Variants in THOC2 observed in about 807,000 individuals in gnomAD.
The protein encoded by THOC2 is THO complex 2.
Under a neutral mutation model 128.4 loss-of-function variants are expected in THOC2, and 10 were observed. The observed-to-expected ratio is 0.08, with a 90% CI of 0.05 to 0.13. The LOEUF (loss-of-function observed/expected upper bound fraction) is 0.13, where lower values mean the gene tolerates loss of function less well. Ranked by LOEUF, THOC2 falls within the 10% of genes least tolerant of loss-of-function variation. The probability of loss-of-function intolerance (pLI) is 1.00; values close to 1 mark genes in which losing one functional copy is unlikely to be tolerated. For synonymous variants in THOC2, 393 were observed against 396.9 expected, an observed-to-expected ratio of 0.99 and a Z score of 0.12; for missense variants, 535 against 1,155.7, an observed-to-expected ratio of 0.46 and a Z score of 7.79.
intron 3 of THOC2, 140 bp from the exon 4 acceptor site, chrX:123,703,645 T>C (rs2050790553): frequency 2.9e-6 from 1 of 344,487 alleles, no homozygotes; most frequent in African/African-American, 3.0e-5. Flanking sequence ...CCCAGCACTT[T>C]GGGAGGCCGA....
chrX:123,633,086 C>A, intron 20 of THOC2, 46 bp from the exon 21 acceptor site: 7 of 965,009 alleles, frequency 7.3e-6, no homozygotes, highest in Non-Finnish European at 9.7e-6. Context: ...GTACATAACC[C>A]ATGCTAATTT....
chrX:123,725,616 C>CAAAA (rs56708326), intron 1 of THOC2, among the ~76,000 whole-genome samples: 135 of 32,639 alleles, frequency 4.1e-3, no homozygotes, highest in African/African-American at 7.1e-3. Flanking sequence ...GACCCTATCT[C>CAAAA]AAAAAAAAAA....
At chrX:123,683,564 T>C (rs915215977) in intron 8 of THOC2, among the ~76,000 whole-genome samples, 5 of 110,294 alleles carry the variant, frequency 4.5e-5, no homozygotes, top group African/African-American at 1.6e-4. Flanking sequence ...CTACCCTCAG[T>C]GGCCCTTAAA....
chrX:123,606,715 T>C, intron 38 of THOC2, among the ~76,000 whole-genome samples: 1 of 112,434 alleles, frequency 8.9e-6, no homozygotes, highest in Non-Finnish European at 1.9e-5. Context: ...AGGTTACACA[T>C]GTGAGACTGG....
intron 8 of THOC2, among the ~76,000 whole-genome samples, chrX:123,682,703 T>A (rs2049836087): frequency 8.9e-6 from 1 of 111,956 alleles, no homozygotes; most frequent in African/African-American, 3.2e-5. Context: ...TTACTCAGAA[T>A]CTAAACATCA....
chrX:123,605,598 G>A (rs1185874075), intron 38 of THOC2, among the ~76,000 whole-genome samples: 1 of 110,158 alleles, frequency 9.1e-6, no homozygotes, highest in Non-Finnish European at 1.9e-5. Flanking sequence ...CCTATAAAAT[G>A]GTGTGTTTGG....
At chrX:123,705,106 G>A (rs192016588) in intron 3 of THOC2, among the ~76,000 whole-genome samples, 4 of 111,427 alleles carry the variant, frequency 3.6e-5, no homozygotes, top group Admixed American at 1.9e-4. Context: ...GCAAGGAGAC[G>A]CACAAGTTAC....
chrX:123,640,136 A>C (rs1246413344), intron 16 of THOC2, among the ~76,000 whole-genome samples: 1 of 111,595 alleles, frequency 9.0e-6, no homozygotes, highest in African/African-American at 3.3e-5. Flanking sequence ...GCGGTGAGCC[A>C]AGATCGGGTC....
chrX:123,667,056 G>C, intron 11 of THOC2, 50 bp downstream of exon 11: 1 of 914,552 alleles, frequency 1.1e-6, no homozygotes, highest in Non-Finnish European at 1.5e-6. Flanking sequence ...TTTTGTTGTA[G>C]TCCTAAGCTA....
chrX:123,621,240 T>C lies in THOC2; in HGVS notation c.4133A>G (p.Asn1378Ser), dbSNP rs768831443. ...TGGTGTTTTTTCTCCTCCTTTAACA[T>C]TTTCCTTTGATTTCATTTCCTTTGC... ...DIAKEMKSKE[N>S]VKGGEKTPVS... is the part of the protein sequence containing the mutation. The change falls in exon 31 of 39, where the codon AAT (asparagine) becomes AGT (serine). Residue 1378 changes from asparagine (N) to serine (S), a missense_variant. Physicochemically the swap from Asn to Ser is conservative, Grantham distance 46. Around this residue, in one of 9 missense-constraint regions of THOC2, gnomAD observed 116 missense variants for 180.0 expected, o/e 0.64. Coordinates refer to ENST00000245838, the MANE Select transcript of THOC2 (RefSeq NM_001081550.2). The C allele has an allele frequency of 1.4e-5, 17 of 1,209,242 alleles. No homozygotes were observed. Among genetic ancestry groups the C allele is most frequent in the Non-Finnish European group, 3.4e-6 (3 of 894,974 alleles).
chrX:123,617,176 T>G (rs1247682596), intron 33 of THOC2, among the ~76,000 whole-genome samples: 1 of 110,903 alleles, frequency 9.0e-6, no homozygotes, highest in Non-Finnish European at 1.9e-5. Context: ...TGCAAACCAG[T>G]ACTTTGCATG....
rs762611153 is a variant in THOC2 at position 123,645,040 on chromosome X, C to A, written c.1429-131G>T. On this transcript the variant is annotated intron_variant, in intron 13 of 38. Transcript: ENST00000245838. ...CACACAATATCCCATTCCTCACCCA[C>A]CCTTTTCACAAAGCTTATTTATGTT... 5.5e-5 allele frequency: 30 copies of A among 547,949 alleles called. No homozygotes were observed. The Admixed American group carries it at 6.8e-4, about 12-fold the overall frequency. 45.2% of individuals were successfully genotyped at this position (547,949 alleles called of 1,213,427 possible).
rs140946388 is a variant in THOC2, at chrX:123,632,587, C to T, written c.2316+274G>A. ...TGTTATGACTGAGATTTCCAGAGAT[C>T]GGGAAAGATATAAATGCAAACAACT... On this transcript the variant is annotated intron_variant, in intron 21 of 38. Coordinates refer to ENST00000245838, the MANE Select transcript of THOC2 (RefSeq NM_001081550.2). 4.2e-3 allele frequency among the ~76,000 whole-genome samples: 449 copies of T among 108,140 alleles called. 2 individuals carry two copies. Among genetic ancestry groups the T allele is most frequent in the East Asian group, 0.04 (138 of 3,473 alleles). 93.9% of individuals were successfully genotyped at this position (108,140 alleles called of 115,157 possible).
intron 22 of THOC2, among the ~76,000 whole-genome samples, chrX:123,631,082 C>G (rs751589006): frequency 8.9e-6 from 1 of 112,116 alleles, no homozygotes; most frequent in Non-Finnish European, 1.9e-5. Context: ...CCACAGACAA[C>G]CAGGTGTTCC....
intron 1 of THOC2, 132 bp downstream of exon 1, chrX:123,732,820 G>T: frequency 1.5e-6 from 1 of 677,552 alleles, no homozygotes; most frequent in South Asian, 2.3e-5. Context: ...ACTCCTAGAC[G>T]ACCATCCACG....
Position 123,668,156 on chromosome X carries a change from T to C in THOC2, c.1017+3A>G. 2 of 1,159,590 alleles carry C rather than the reference T, an allele frequency of 1.7e-6. No individual in the cohort carries two copies. Among genetic ancestry groups the C allele is most frequent in the Non-Finnish European group, 2.3e-6 (2 of 863,502 alleles). ...GTTAATTTTACTAGAATGAATTACA[T>C]ACTTTCTCTACTTTCTCCTCTTCTT... On this transcript the variant is annotated splice_donor_region_variant and intron_variant, in intron 10 of 38. Transcript: ENST00000245838.
intron 8 of THOC2, among the ~76,000 whole-genome samples, chrX:123,676,888 T>C (rs2049519316): frequency 8.9e-6 from 1 of 111,917 alleles, no homozygotes; most frequent in Admixed American, 9.5e-5. Context: ...CCTTCCATAA[T>C]GCCAATTTCA....
chrX:123,671,588 G>T, intron 9 of THOC2, 81 bp downstream of exon 9: 2 of 528,770 alleles, frequency 3.8e-6, no homozygotes, highest in Non-Finnish European at 6.0e-6. Flanking sequence ...CCCAATCCTG[G>T]GGGTGCTATG....
intron 12 of THOC2, among the ~76,000 whole-genome samples, chrX:123,651,205 G>A (rs1260738488): frequency 1.8e-5 from 2 of 111,732 alleles, no homozygotes; most frequent in Non-Finnish European, 3.8e-5. Context: ...TGACTACTGG[G>A]TAAACAATGC....
Sources: gnomAD v4.1 joint callset for allele counts (sites outside exome capture counted in the v4.1 genomes callset) on GRCh38, gnomAD v4.1.1 for gene constraint, gnomAD v4.1.1 regional missense constraint, MANE v1.5 for transcripts, NCBI Gene and HGNC (gene_info 2026-07-23, HGNC 2026-07-21) for gene names.